Variants in CHODL observed in about 807,000 individuals in gnomAD.
The protein encoded by CHODL is transmembrane protein MT75.
CHODL carries 29 observed loss-of-function variants against 34.5 expected under a neutral mutation model. That is an observed-to-expected ratio of 0.84 (90% CI 0.63 to 1.15). The LOEUF (loss-of-function observed/expected upper bound fraction) is 1.15, where lower values mean the gene tolerates loss of function less well. CHODL is among the 50% of genes most tolerant of loss of function. CHODL has a pLI of 0.00. For missense variants in CHODL, 332 were observed against 332.5 expected (o/e 1.00, Z 0.01); for synonymous variants, 125 against 116.1 (o/e 1.08, Z -0.49).
intron 2 of CHODL, among the ~76,000 whole-genome samples, chr21:18,182,039 A>G (rs1229841365): frequency 2.6e-5 from 4 of 152,032 alleles, no homozygotes; most frequent in East Asian, 1.9e-4. Context: ...TTGTGTGTAC[A>G]TTTTTGTGTG....
At chr21:18,260,595 T>G (rs1395749834) in intron 4 of CHODL, among the ~76,000 whole-genome samples, 2 of 152,048 alleles carry the variant, frequency 1.3e-5, no homozygotes, top group South Asian at 2.1e-4. Context: ...GGTGGATCAC[T>G]TGAGCCCAGG....
chr21:18,046,250 C>T (rs1034158457), intron 2 of CHODL, among the ~76,000 whole-genome samples: 4 of 151,778 alleles, frequency 2.6e-5, no homozygotes, highest in African/African-American at 9.7e-5. Flanking sequence ...TCATGGGAAG[C>T]GGTTAATGGA....
At chr21:18,013,738 A>G (rs1329923057) in intron 1 of CHODL, among the ~76,000 whole-genome samples, 1 of 146,842 alleles carries the variant, frequency 6.8e-6, no homozygotes, top group East Asian at 2.0e-4. Flanking sequence ...GGGTTCAAGC[A>G]ATTCTCCTCT....
intron 2 of CHODL, among the ~76,000 whole-genome samples, chr21:18,231,797 A>G (rs532432845): frequency 6.6e-6 from 1 of 150,410 alleles, no homozygotes; most frequent in Non-Finnish European, 1.5e-5. Flanking sequence ...GACTAGTCCT[A>G]CTGTGCTTTG....
intron 2 of CHODL, among the ~76,000 whole-genome samples, chr21:18,070,029 CCCCCCCACCCAT>C (rs1568870131): frequency 3.9e-5 from 4 of 103,438 alleles, no homozygotes; most frequent in African/African-American, 1.1e-4. Context: ...CTTCCCTCCC[CCCCCCCACCCAT>C]TTCCTTTGCT....
At chr21:18,252,195 T>G (rs1207301693) in intron 1 of CHODL, among the ~76,000 whole-genome samples, 4 of 152,090 alleles carry the variant, frequency 2.6e-5, no homozygotes, top group African/African-American at 9.7e-5. Flanking sequence ...ATTTAGTAAT[T>G]TATAGTTCGA....
At position 17,949,634 on chromosome 21, in the gene CHODL, A is replaced by G. The variant is rs1213056770; in HGVS notation, c.-145+32234A>G. 2.0e-5 allele frequency among the ~76,000 whole-genome samples: 3 copies of G among 152,326 alleles called. No individual in the cohort carries two copies. The East Asian group carries it at 5.8e-4, about 29-fold the overall frequency. ...GCCTGGAATGAGAGAGACCATGCTC[A>G]GTACTGACCTATCTCCTCTGATCTT... On this transcript the variant is annotated intron_variant, in intron 1 of 6. Coordinates refer to the CHODL transcript ENST00000400127.
intron 1 of CHODL, among the ~76,000 whole-genome samples, chr21:18,023,385 T>C (rs1351765978): frequency 1.3e-5 from 2 of 151,940 alleles, no homozygotes; most frequent in African/African-American, 2.4e-5. Flanking sequence ...TTCCAGCTGG[T>C]AGTCATACAG....
intron 2 of CHODL, among the ~76,000 whole-genome samples, chr21:18,204,847 TCTTC>T (rs1424576835): frequency 1.3e-5 from 2 of 152,192 alleles, no homozygotes; most frequent in Non-Finnish European, 2.9e-5. Flanking sequence ...ATATTTTTCT[TCTTC>T]ATTCATTTAT....
At chr21:18,204,281 C>G (rs2073688074) in intron 2 of CHODL, among the ~76,000 whole-genome samples, 1 of 152,054 alleles carries the variant, frequency 6.6e-6, no homozygotes, top group African/African-American at 2.4e-5. Flanking sequence ...TTGAAAATAT[C>G]TTTTAAAAAC....
chr21:18,036,368 G>A (rs1418842515), intron 2 of CHODL, among the ~76,000 whole-genome samples: 3 of 152,012 alleles, frequency 2.0e-5, no homozygotes, highest in Non-Finnish European at 4.4e-5. Context: ...CTCTGCTGAA[G>A]GCTCAAGAGG....
intron 1 of CHODL, among the ~76,000 whole-genome samples, chr21:17,930,227 C>T (rs2063261170): frequency 6.6e-6 from 1 of 152,108 alleles, no homozygotes; most frequent in Admixed American, 6.5e-5. Flanking sequence ...GCTTTCACTG[C>T]TCTCACTGAG....
chr21:18,201,248 C>A (rs2073648229), intron 2 of CHODL, among the ~76,000 whole-genome samples: 1 of 152,124 alleles, frequency 6.6e-6, no homozygotes, highest in South Asian at 2.1e-4. Context: ...TTTTATTTCA[C>A]TACTGTAAGC....
At chr21:18,127,124 T>G (rs1020209994) in intron 2 of CHODL, among the ~76,000 whole-genome samples, 4 of 152,154 alleles carry the variant, frequency 2.6e-5, no homozygotes, top group African/African-American at 9.7e-5. Flanking sequence ...GAACAGTTAA[T>G]TTAAACACAA....
intron 1 of CHODL, among the ~76,000 whole-genome samples, 191 bp downstream of exon 1, chr21:18,245,493 G>A (rs1214527720): frequency 6.6e-6 from 1 of 152,198 alleles, no homozygotes; most frequent in East Asian, 1.9e-4. Context: ...ACGCAGAAAA[G>A]TTTAAATTTT....
chr21:17,925,246 T>A (rs1333560319), intron 1 of CHODL, among the ~76,000 whole-genome samples: 1 of 152,184 alleles, frequency 6.6e-6, no homozygotes, highest in Non-Finnish European at 1.5e-5. Context: ...TATCCAAAAT[T>A]GTGACCAGTC....
At chr21:17,986,039 A>G (rs1167114969) in intron 1 of CHODL, among the ~76,000 whole-genome samples, 4 of 152,312 alleles carry the variant, frequency 2.6e-5, no homozygotes, top group African/African-American at 7.2e-5. Context: ...TTCTAATACC[A>G]TCACATTGGA....
In CHODL at chr21:18,027,344, T is replaced by C. The variant is rs959131081; in HGVS notation, c.-144-528T>C. ...ACATGTCCTTTCATTAGTTTTTTAATAGCAATTATTAAACTAAATAGGTAT... is the reference window on the plus strand; with the variant it reads ...ACATGTCCTTTCATTAGTTTTTTAACAGCAATTATTAAACTAAATAGGTAT... On this transcript the variant is annotated intron_variant, in intron 1 of 6. Coordinates refer to the CHODL transcript ENST00000400127. Among the ~76,000 whole-genome samples the C allele has an allele frequency of 2.0e-5, 3 of 152,220 alleles. No individual in the cohort carries two copies. In the East Asian group the frequency reaches 5.8e-4, roughly 29 times the overall value.
chr21:18,262,951 T>A (rs190703097), intron 5 of CHODL, 58 bp downstream of exon 5: 1 of 978,214 alleles, frequency 1.0e-6, no homozygotes, highest in African/African-American at 1.6e-5. Flanking sequence ...TTTTCAGAAA[T>A]GTTTTAAAAC....
Sources: gnomAD v4.1 joint callset for allele counts (sites outside exome capture counted in the v4.1 genomes callset) on GRCh38, gnomAD v4.1.1 for gene constraint, MANE v1.5 for transcripts, NCBI Gene and HGNC (gene_info 2026-07-23, HGNC 2026-07-21) for gene names.